DNAH14: variants seen among roughly 807,000 people sequenced by gnomAD.
DNAH14 encodes the protein dynein axonemal heavy chain 14.
In DNAH14, 478 loss-of-function variants were observed where a neutral mutation model predicts 520.9. The ratio of observed to expected loss-of-function variants is 0.92; its 90% CI spans 0.85 to 0.99. DNAH14 has a LOEUF of 0.99. Ranked by LOEUF, DNAH14 falls within the 50% of genes least tolerant of loss-of-function variation. The pLI is 0.00. For synonymous variants in DNAH14, 1,581 were observed against 1,757.2 expected (o/e 0.90, Z 2.51); for missense variants, 4,831 against 5,234.5 (o/e 0.92, Z 2.38).
intron 23 of DNAH14, among the ~76,000 whole-genome samples, chr1:225,102,111 A>G (rs1479504516): frequency 7.2e-6 from 1 of 138,546 alleles, no homozygotes; most frequent in South Asian, 2.2e-4. Context: ...TCATTGTTCA[A>G]TTCCCACCTA....
intron 83 of DNAH14, among the ~76,000 whole-genome samples, 167 bp downstream of exon 83, chr1:225,390,040 C>A (rs1466836579): frequency 1.3e-5 from 2 of 152,110 alleles, no homozygotes; most frequent in African/African-American, 4.8e-5. Context: ...CCCTCCCAAC[C>A]CACTTCCTTC....
intron 5 of DNAH14, among the ~76,000 whole-genome samples, chr1:224,964,829 A>G (rs1380613558): frequency 1.3e-5 from 2 of 152,174 alleles, no homozygotes; most frequent in African/African-American, 4.8e-5. Flanking sequence ...TCTATAACAC[A>G]TCAAAATGTT....
At chr1:225,257,335 G>C (rs546113794) in intron 44 of DNAH14, among the ~76,000 whole-genome samples, 1 of 152,224 alleles carries the variant, frequency 6.6e-6, no homozygotes, top group East Asian at 1.9e-4. Context: ...TTAATTTAGT[G>C]GAAATGATTG....
At chr1:224,985,601 A>G (rs2062577196) in intron 8 of DNAH14, among the ~76,000 whole-genome samples, 1 of 152,182 alleles carries the variant, frequency 6.6e-6, no homozygotes, top group Non-Finnish European at 1.5e-5. Flanking sequence ...CTGTACCCCA[A>G]TAACTTATCA....
Position 225,043,062 on chromosome 1 carries a change from A to C in DNAH14, c.1716A>C (p.Pro572=). The C allele has an allele frequency of 1.3e-6, 2 of 1,551,492 alleles. No homozygotes were observed. Among genetic ancestry groups the C allele is most frequent in the Non-Finnish European group, 1.7e-6 (2 of 1,146,966 alleles). ...AACACTCAAGTGAAGAATTGCTCCCAAAAGCCAAGAAATCAAAAGAAATTA... is the reference window on the plus strand; with the variant it reads ...AACACTCAAGTGAAGAATTGCTCCCCAAAGCCAAGAAATCAAAAGAAATTA... The part of the protein sequence containing the change: ...VKKHSSEELL[P]KAKKSKEISY... The change falls in exon 13 of 86, where the codon CCA becomes CCC. Residue 572 remains proline (P), a synonymous_variant. Transcript: ENST00000682510.
intron 1 of DNAH14, among the ~76,000 whole-genome samples, chr1:224,942,459 A>G (rs1370800315): frequency 6.6e-6 from 1 of 152,152 alleles, no homozygotes; most frequent in Non-Finnish European, 1.5e-5. Context: ...AACAGGGACA[A>G]TTTGACTTCC....
intron 27 of DNAH14, among the ~76,000 whole-genome samples, chr1:225,137,055 G>A (rs1202530603): frequency 6.6e-6 from 1 of 152,108 alleles, no homozygotes; most frequent in Non-Finnish European, 1.5e-5. Flanking sequence ...CCTGCATTGT[G>A]TTGTTATGAT....
intron 8 of DNAH14, among the ~76,000 whole-genome samples, chr1:224,986,318 T>TAAAAAAAAAAAA (rs59261709): frequency 1.1e-5 from 1 of 87,876 alleles, no homozygotes; most frequent in African/African-American, 3.4e-5. Flanking sequence ...AAAGGCTTAT[T>TAAAAAAAAAAAA]AAAAAAAAAA....
At chr1:225,211,935 C>A (rs1559305969) in intron 41 of DNAH14, among the ~76,000 whole-genome samples, 1 of 151,142 alleles carries the variant, frequency 6.6e-6, no homozygotes, top group South Asian at 2.1e-4. Flanking sequence ...ACTTTAAGTT[C>A]TAGGGTACAT....
chr1:225,020,405 G>C (rs1311635555), intron 10 of DNAH14, among the ~76,000 whole-genome samples: 1 of 140,646 alleles, frequency 7.1e-6, no homozygotes, highest in African/African-American at 2.5e-5. Flanking sequence ...GCTGAGGCAG[G>C]AGAATCACTT....
chr1:225,350,301 C>A (rs375095754), intron 71 of DNAH14, among the ~76,000 whole-genome samples: 10 of 152,116 alleles, frequency 6.6e-5, no homozygotes, highest in African/African-American at 2.4e-4. Context: ...AAGTTTATAA[C>A]TGTAAATACC....
At chr1:225,369,868 T>C (rs926103363) in intron 77 of DNAH14, among the ~76,000 whole-genome samples, 1 of 152,166 alleles carries the variant, frequency 6.6e-6, no homozygotes, top group African/African-American at 2.4e-5. Flanking sequence ...TAACTCTAGA[T>C]AACCTTTTAT....
intron 38 of DNAH14, among the ~76,000 whole-genome samples, chr1:225,202,980 G>A (rs1351054606): frequency 6.6e-6 from 1 of 152,198 alleles, no homozygotes; most frequent in Non-Finnish European, 1.5e-5. Flanking sequence ...AGGTTCCCTA[G>A]TGAGGGTGTG....
At chr1:225,004,230 T>C (rs1337598614) in intron 9 of DNAH14, among the ~76,000 whole-genome samples, 1 of 152,220 alleles carries the variant, frequency 6.6e-6, no homozygotes, top group Non-Finnish European at 1.5e-5. Context: ...ATTCTTTATA[T>C]ATAAAAATGA....
At chr1:225,012,964 C>T (rs1415549723) in intron 10 of DNAH14, among the ~76,000 whole-genome samples, 4 of 152,176 alleles carry the variant, frequency 2.6e-5, no homozygotes, top group Non-Finnish European at 5.9e-5. Context: ...CTACTTCTGT[C>T]AGTTCATCAA....
At chr1:225,081,830 G>T (rs1191340144) in intron 19 of DNAH14, among the ~76,000 whole-genome samples, 5 of 152,124 alleles carry the variant, frequency 3.3e-5, no homozygotes, top group Non-Finnish European at 2.9e-5. Flanking sequence ...TCAGTGGTTT[G>T]TCAATGCCAG....
intron 7 of DNAH14, among the ~76,000 whole-genome samples, chr1:224,970,089 G>C (rs1458950319): frequency 6.6e-6 from 1 of 152,152 alleles, no homozygotes; most frequent in Non-Finnish European, 1.5e-5. Context: ...AAAGCAAATG[G>C]GAGAAATATC....
intron 57 of DNAH14, among the ~76,000 whole-genome samples, chr1:225,303,572 G>A (rs1421992394): frequency 6.6e-6 from 1 of 152,158 alleles, no homozygotes; most frequent in Non-Finnish European, 1.5e-5. Flanking sequence ...TGCAATGCCT[G>A]TGTCTCTTCA....
chr1:225,224,555 GC>G (rs2090358629), intron 41 of DNAH14, among the ~76,000 whole-genome samples: 1 of 152,050 alleles, frequency 6.6e-6, no homozygotes, highest in Admixed American at 6.6e-5. Context: ...AAAGCATATT[GC>G]CCCTATCTCT....
Sources: gnomAD v4.1 joint callset for allele counts (sites outside exome capture counted in the v4.1 genomes callset) on GRCh38, gnomAD v4.1.1 for gene constraint, MANE v1.5 for transcripts, NCBI Gene and HGNC (gene_info 2026-07-23, HGNC 2026-07-21) for gene names.